GRIK4: variants seen among roughly 807,000 people sequenced by gnomAD.
The protein encoded by GRIK4 is glutamate receptor ionotropic, kainate 4.
Under a neutral mutation model 104.9 loss-of-function variants are expected in GRIK4, and 40 were observed. That is an observed-to-expected ratio of 0.38 (90% CI 0.30 to 0.50). GRIK4 has a LOEUF of 0.50. Ranked by LOEUF, GRIK4 falls within the 20% of genes least tolerant of loss-of-function variation. The pLI is 0.93. For missense variants in GRIK4, 1,047 were observed against 1,308.1 expected (o/e 0.80, Z 3.08); for synonymous variants, 485 against 524.9 (o/e 0.92, Z 1.04).
chr11:120,848,806 C>A (rs974598190), intron 8 of GRIK4, among the ~76,000 whole-genome samples: 1 of 152,060 alleles, frequency 6.6e-6, no homozygotes, highest in African/African-American at 2.4e-5. Context: ...GGAGGAGGAG[C>A]CAGCCCCTGG....
rs530422597 is a variant in GRIK4, at chr11:120,683,603, C to T, written c.82+23203C>T. Among the ~76,000 whole-genome samples, 4 of 151,940 alleles carry T rather than the reference C, an allele frequency of 2.6e-5. No homozygotes were observed. In the East Asian group the frequency reaches 7.8e-4, roughly 30 times the overall value. ...AGGCCGTGTCCTAGGGAGAGAATGT[C>T]TGGAAAGTGGCATGGTGAGCCCAGG... is the stretch of plus-strand genomic sequence containing the variant. On this transcript the variant is annotated intron_variant, in intron 3 of 20. Coordinates refer to ENST00000527524, the MANE Select transcript of GRIK4 (RefSeq NM_014619.5).
At chr11:120,924,313 G>A (rs753535390) in intron 13 of GRIK4, among the ~76,000 whole-genome samples, 22 of 152,266 alleles carry the variant, frequency 1.4e-4, no homozygotes, top group Non-Finnish European at 2.4e-4. Flanking sequence ...AGTCGGTACC[G>A]TGGCAGCAGC....
intron 8 of GRIK4, among the ~76,000 whole-genome samples, chr11:120,849,162 C>T (rs563297845): frequency 2.0e-4 from 30 of 152,088 alleles, no homozygotes; most frequent in African/African-American, 6.0e-4. Context: ...CCCCAACGCG[C>T]GCACACACAC....
intron 1 of GRIK4, among the ~76,000 whole-genome samples, chr11:120,565,025 C>A (rs1000252821): frequency 6.6e-6 from 1 of 152,372 alleles, no homozygotes; most frequent in African/African-American, 2.4e-5. Flanking sequence ...CACCTCCTGT[C>A]CCGGCCTCGT....
rs1484292323 is a variant in GRIK4 at position 120,958,423 on chromosome 11, C to T, written c.1874+1470C>T. Among the ~76,000 whole-genome samples the T allele has an allele frequency of 2.0e-5, 3 of 152,240 alleles. No individual in the cohort carries two copies. In the East Asian group the frequency reaches 5.8e-4, roughly 29 times the overall value. On this transcript the variant is annotated intron_variant, in intron 16 of 20. Coordinates refer to ENST00000527524, the MANE Select transcript of GRIK4 (RefSeq NM_014619.5). ...TGTGCCAGCCCCGACTCCAGGTGGT[C>T]ACTGCGCTTCTCTCCCAGCACACTA...
chr11:120,912,389 T>G (rs1943019804), intron 13 of GRIK4, among the ~76,000 whole-genome samples: 1 of 152,016 alleles, frequency 6.6e-6, no homozygotes, highest in South Asian at 2.1e-4. Context: ...CAACTGAAGA[T>G]ATGAGTAGGG....
intron 1 of GRIK4, among the ~76,000 whole-genome samples, chr11:120,608,894 GC>G (rs1426196707): frequency 1.3e-5 from 2 of 152,202 alleles, no homozygotes; most frequent in African/African-American, 2.4e-5. Context: ...GCCAGCAGGA[GC>G]CTTTTTTTCT....
intron 1 of GRIK4, among the ~76,000 whole-genome samples, chr11:120,582,425 G>A (rs1023816230): frequency 6.6e-6 from 1 of 152,104 alleles, no homozygotes; most frequent in Non-Finnish European, 1.5e-5. Flanking sequence ...AATAAGTATA[G>A]TACCTGATAG....
chr11:120,665,039 C>G (rs1056667830), intron 3 of GRIK4, among the ~76,000 whole-genome samples: 1 of 151,974 alleles, frequency 6.6e-6, no homozygotes, highest in Non-Finnish European at 1.5e-5. Context: ...TGGTTTCCCC[C>G]CAATGAGCTC....
chr11:120,739,569 G>A (rs1951290516), intron 3 of GRIK4, among the ~76,000 whole-genome samples: 1 of 152,184 alleles, frequency 6.6e-6, no homozygotes, highest in Non-Finnish European at 1.5e-5. Context: ...GGGCCCACAG[G>A]GAAGGAATCC....
chr11:120,955,504 T>G (rs1944122904), intron 15 of GRIK4, among the ~76,000 whole-genome samples: 1 of 152,156 alleles, frequency 6.6e-6, no homozygotes, highest in African/African-American at 2.4e-5. Flanking sequence ...ACAGTTTCTC[T>G]CGTCAGAGCT....
intron 3 of GRIK4, among the ~76,000 whole-genome samples, chr11:120,680,028 A>G (rs1950164461): frequency 2.0e-5 from 3 of 152,204 alleles, no homozygotes; most frequent in Non-Finnish European, 2.9e-5. Context: ...TTTATTCACC[A>G]TTCAAGGCCT....
chr11:120,589,606 C>T (rs988292078), intron 1 of GRIK4, among the ~76,000 whole-genome samples: 10 of 152,230 alleles, frequency 6.6e-5, no homozygotes, highest in South Asian at 2.1e-4. Flanking sequence ...CTTCAGCCAG[C>T]GGCCACCGTT....
intron 3 of GRIK4, among the ~76,000 whole-genome samples, chr11:120,662,290 A>T (rs918650108): frequency 6.6e-6 from 1 of 152,138 alleles, no homozygotes; most frequent in African/African-American, 2.4e-5. Flanking sequence ...ATGCTAGGCC[A>T]CTTCCAGCCG....
intron 1 of GRIK4, among the ~76,000 whole-genome samples, chr11:120,521,520 C>T (rs1224092213): frequency 7.9e-5 from 12 of 152,206 alleles, no homozygotes. Context: ...CTCAGAATTT[C>T]AGTAACTAGC....
intron 9 of GRIK4, chr11:120,872,568 T>C (rs867417049): frequency 6.5e-6 from 1 of 153,342 alleles, no homozygotes; most frequent in African/African-American, 2.4e-5. Context: ...GAAGGGGCAA[T>C]GTTGAGTCGC....
Position 120,967,064 on chromosome 11 carries a change from C to G in GRIK4, c.2267-131C>G, listed in dbSNP as rs1591342831. 6 of 1,001,950 alleles carry G rather than the reference C, an allele frequency of 6.0e-6. No individual in the cohort carries two copies. In the Admixed American group the frequency reaches 1.3e-4, roughly 21 times the overall value. The allele number at this position is 1,001,950 out of a possible 1,614,324, so 62.1% of individuals were successfully genotyped here. A position where few individuals can be genotyped will look rare whatever the true frequency, so the allele number is the denominator to read the frequency against. Reference sequence around the variant, plus strand: ...TGGCCCCATGGGCTCGCCCCACCCGCTGCATCTGTCTGTCCCCTCTCGAGG... The same window carrying G: ...TGGCCCCATGGGCTCGCCCCACCCGGTGCATCTGTCTGTCCCCTCTCGAGG... On this transcript the variant is annotated intron_variant, in intron 18 of 20. Coordinates refer to ENST00000527524, the MANE Select transcript of GRIK4 (RefSeq NM_014619.5). This position sits in a 1 kb window ranked among gnomAD's most constrained non-coding sequence, Gnocchi z 4.2.
chr11:120,855,931 A>G (rs1048530731), intron 8 of GRIK4, among the ~76,000 whole-genome samples: 3 of 152,264 alleles, frequency 2.0e-5, no homozygotes, highest in Non-Finnish European at 2.9e-5. Flanking sequence ...TGCCAAACAA[A>G]GAGGAAGAGA....
In GRIK4 at chr11:120,768,651, C is replaced by T. The variant is rs192117968; in HGVS notation, c.83-34042C>T. 6.6e-5 allele frequency among the ~76,000 whole-genome samples: 10 copies of T among 152,286 alleles called. No individual in the cohort carries two copies. In the East Asian group the frequency reaches 1.9e-3, roughly 29 times the overall value. On this transcript the variant is annotated intron_variant, in intron 3 of 20. Transcript: ENST00000527524. ...AGTAGAAAAGCTTTCAGTTGTTCCC[C>T]ATTGATTATGAGTTTAGCTATGGGT...
Sources: allele counts gnomAD v4.1 joint callset (sites outside exome capture counted in the v4.1 genomes callset), GRCh38; gene constraint gnomAD v4.1.1; non-coding constraint Gnocchi (gnomAD v3.1); transcripts MANE v1.5; gene names NCBI Gene and HGNC (gene_info 2026-07-23, HGNC 2026-07-21).